The following TLN2 variants were observed in gnomAD, a reference collection of about 807,000 sequenced individuals.
TLN2 encodes the protein talin 2.
TLN2 carries 118 observed loss-of-function variants against 294.7 expected under a neutral mutation model. The ratio of observed to expected loss-of-function variants is 0.40; its 90% CI spans 0.34 to 0.47. The LOEUF (loss-of-function observed/expected upper bound fraction) is 0.47, where lower values mean the gene tolerates loss of function less well. Ranked by LOEUF, TLN2 falls within the 20% of genes least tolerant of loss-of-function variation. The pLI, the probability that TLN2 is intolerant of heterozygous loss-of-function variation, is 0.84. For missense variants in TLN2, 3,083 were observed against 3,282.2 expected (o/e 0.94, Z 1.48); for synonymous variants, 1,431 against 1,304.5 (o/e 1.10, Z -2.09).
At chr15:62,725,183 G>C in intron 27 of TLN2, 79 bp downstream of exon 27, 1 of 1,509,000 alleles carries the variant, frequency 6.6e-7, no homozygotes, top group South Asian at 1.3e-5. Context: ...TAGGGTGTTT[G>C]CTAAAGTTGC....
At position 62,395,344 on chromosome 15, in the gene TLN2, T is replaced by C. The variant is rs1232971925; in HGVS notation, c.-238+4659T>C. 2.0e-5 allele frequency among the ~76,000 whole-genome samples: 3 copies of C among 152,066 alleles called. No individual in the cohort carries two copies. The East Asian group carries it at 5.8e-4, about 29-fold the overall frequency. ...TCCCAGAACAAGGGATGCAAATTAT[T>C]GTGTCTCTTCTCACCTTCTCTAGTG... On this transcript the variant is annotated intron_variant, in intron 1 of 58. Transcript: ENST00000636159.
chr15:62,667,028 T>C (rs959097545), intron 9 of TLN2, among the ~76,000 whole-genome samples: 6 of 152,130 alleles, frequency 3.9e-5, no homozygotes, highest in Admixed American at 2.0e-4. Flanking sequence ...TGCAGTGGCA[T>C]GATCTCGGCT....
intron 1 of TLN2, among the ~76,000 whole-genome samples, chr15:62,534,794 C>T (rs1448814109): frequency 1.3e-5 from 2 of 152,194 alleles, no homozygotes; most frequent in Admixed American, 6.5e-5. Flanking sequence ...TCTTACCACT[C>T]TGGAGATCCC....
intron 41 of TLN2, among the ~76,000 whole-genome samples, chr15:62,769,176 A>G (rs16945695): frequency 0.014 from 2,087 of 152,336 alleles, 58 homozygotes; most frequent in African/African-American, 0.047. Flanking sequence ...GAAAACATAT[A>G]AGATTCTAAT....
Position 62,512,157 on chromosome 15 carries a change from C to T in TLN2, c.-237-77530C>T, listed in dbSNP as rs187872067. Among the ~76,000 whole-genome samples, 329 of 152,298 alleles carry T rather than the reference C, an allele frequency of 2.2e-3. 1 individual carries two copies. Among genetic ancestry groups the T allele is most frequent in the Non-Finnish European group, 3.7e-3 (252 of 68,028 alleles). ...AGTATACTTTGGATGATGTTTTTTA[C>T]ACTTTTGCCACATGACAGACTCTAG... On this transcript the variant is annotated intron_variant, in intron 1 of 58. Coordinates refer to ENST00000636159, the MANE Select transcript of TLN2 (RefSeq NM_015059.3).
At chr15:62,548,073 A>T (rs1170637003) in intron 1 of TLN2, among the ~76,000 whole-genome samples, 1 of 152,212 alleles carries the variant, frequency 6.6e-6, no homozygotes, top group Non-Finnish European at 1.5e-5. Context: ...TTGTGGAAAG[A>T]TACTTAAAAG....
chr15:62,459,208 G>C (rs1035134783), intron 1 of TLN2, among the ~76,000 whole-genome samples: 2 of 151,692 alleles, frequency 1.3e-5, no homozygotes, highest in African/African-American at 4.8e-5. Flanking sequence ...CACCATGTTG[G>C]CCAGGGTGGT....
intron 1 of TLN2, among the ~76,000 whole-genome samples, chr15:62,482,588 G>A (rs1361053055): frequency 5.7e-5 from 6 of 104,960 alleles, no homozygotes; most frequent in African/African-American, 1.2e-4. Flanking sequence ...GACAACAAGA[G>A]TAAAACGTTG....
intron 52 of TLN2, among the ~76,000 whole-genome samples, chr15:62,815,486 A>G (rs1435685339): frequency 2.0e-5 from 3 of 152,180 alleles, no homozygotes; most frequent in Non-Finnish European, 4.4e-5. Flanking sequence ...GAAAGAGAAA[A>G]TTCCAGAAAT....
intron 1 of TLN2, among the ~76,000 whole-genome samples, chr15:62,432,376 C>G (rs980405215): frequency 2.0e-4 from 31 of 152,284 alleles, no homozygotes; most frequent in African/African-American, 7.2e-4. Context: ...CTGGTGAGGG[C>G]CTTCTTGCTG....
chr15:62,605,381 CTTG>C (rs2047347497), intron 2 of TLN2, among the ~76,000 whole-genome samples: 1 of 152,178 alleles, frequency 6.6e-6, no homozygotes, highest in South Asian at 2.1e-4. Flanking sequence ...CGATGAGCTT[CTTG>C]TTGTTATTCA....
In TLN2 at chr15:62,840,644, G is replaced by A. The variant is rs527776810; in HGVS notation, c.*34G>A. 3.7e-6 allele frequency: 6 copies of A among 1,607,200 alleles called. No individual in the cohort carries two copies. The South Asian group carries it at 6.7e-5, about 18-fold the overall frequency. Reference sequence around the variant, plus strand: ...GCCCAGATGGCGAGCCCCAGGGGATGGCCCTGGCTGAACTGGACAGACAGT... The same window carrying A: ...GCCCAGATGGCGAGCCCCAGGGGATAGCCCTGGCTGAACTGGACAGACAGT... On this transcript the variant is annotated 3_prime_UTR_variant, in exon 59 of 59. Transcript: ENST00000636159.
rs1367076655 is a variant in TLN2 at position 62,656,101 on chromosome 15, G to C, written c.660+15G>C. 1 of 1,611,326 alleles carries C rather than the reference G, an allele frequency of 6.2e-7. No individual in the cohort carries two copies. Among genetic ancestry groups the C allele is most frequent in the East Asian group, 2.2e-5 (1 of 44,806 alleles). On this transcript the variant is annotated intron_variant, in intron 8 of 58. Coordinates refer to ENST00000636159, the MANE Select transcript of TLN2 (RefSeq NM_015059.3). ...TTTATGTTCAGGTACAGTATTTACT[G>C]CTCAGACACTGAGGTTGGTGAGATT...
In TLN2 at chr15:62,655,577, T is replaced by G. The variant is rs2053113690; in HGVS notation, c.518-367T>G. ...ACCGGAGAGGCAGCATATTATACAT[T>G]CATTGTAGCACATGTCACCGTGGGT... On this transcript the variant is annotated intron_variant, in intron 7 of 58. Transcript: ENST00000636159. Among the ~76,000 whole-genome samples, 6 of 11,810 alleles carry G rather than the reference T, an allele frequency of 5.1e-4. No homozygotes were observed. The Non-Finnish European group carries it at 0.017, about 33-fold the overall frequency. 7.7% of individuals were successfully genotyped at this position (11,810 alleles called of 152,430 possible).
At chr15:62,744,640 G>A (rs977971871) in intron 32 of TLN2, among the ~76,000 whole-genome samples, 2 of 151,996 alleles carry the variant, frequency 1.3e-5, no homozygotes, top group Non-Finnish European at 2.9e-5. Flanking sequence ...TCCACCTCCC[G>A]GGTTCAAGTG....
chr15:62,720,820 A>G (rs1420407690), intron 25 of TLN2, among the ~76,000 whole-genome samples: 1 of 152,176 alleles, frequency 6.6e-6, no homozygotes, highest in East Asian at 1.9e-4. Flanking sequence ...TATTGGACGT[A>G]CAGGTTTTTA....
chr15:62,414,152 CA>C (rs564398066), intron 1 of TLN2, among the ~76,000 whole-genome samples: 9,040 of 50,012 alleles, frequency 0.18, 815 homozygotes, highest in East Asian at 0.24. Context: ...GAAGTGTTAG[CA>C]AAAAAAAAAA....
chr15:62,707,074 C>A lies in TLN2; in HGVS notation c.2005-12C>A, dbSNP rs1260256478. The A allele has an allele frequency of 7.5e-6, 12 of 1,599,426 alleles. No homozygotes were observed. The highest frequency in any genetic ancestry group is 1.0e-5 in the Non-Finnish European group (12 of 1,169,638). On this transcript the variant is annotated splice_polypyrimidine_tract_variant and intron_variant, in intron 19 of 58. Coordinates refer to ENST00000636159, the MANE Select transcript of TLN2 (RefSeq NM_015059.3). ...AAAAATAAATGAATAGTCTTTGATT[C>A]CCTTTTCTTAGGATGTTTTAATGAG...
intron 1 of TLN2, among the ~76,000 whole-genome samples, chr15:62,429,435 T>G (rs1310479894): frequency 6.6e-6 from 1 of 152,198 alleles, no homozygotes; most frequent in Non-Finnish European, 1.5e-5. Context: ...GCATTGTGGT[T>G]TCTAGCTGGT....
Sources: gnomAD v4.1 joint callset for allele counts (sites outside exome capture counted in the v4.1 genomes callset) on GRCh38, gnomAD v4.1.1 for gene constraint, MANE v1.5 for transcripts, NCBI Gene and HGNC (gene_info 2026-07-23, HGNC 2026-07-21) for gene names.